The following RFWD3 variants were observed in gnomAD, a reference collection of about 807,000 sequenced individuals.
The protein encoded by RFWD3 is ring finger and WD repeat domain 3.
In RFWD3, 65 loss-of-function variants were observed where a neutral mutation model predicts 87.7. The observed-to-expected ratio is 0.74, with a 90% CI of 0.61 to 0.91. The LOEUF (loss-of-function observed/expected upper bound fraction) is 0.91. Ranked by LOEUF, RFWD3 falls within the 40% of genes least tolerant of loss-of-function variation. The pLI, the probability that RFWD3 is intolerant of heterozygous loss-of-function variation, is 0.00. For synonymous variants in RFWD3, 433 were observed against 352.8 expected (o/e 1.23, Z -2.55); for missense variants, 1,078 against 938.5 (o/e 1.15, Z -1.94).
At chr16:74,637,557 C>T (rs927782194) in intron 7 of RFWD3, among the ~76,000 whole-genome samples, 27 of 152,064 alleles carry the variant, frequency 1.8e-4, no homozygotes, top group African/African-American at 6.3e-4. Flanking sequence ...CGCTTGAACC[C>T]AGGAGACAGA....
At chr16:74,663,006 G>A (rs931365498) in intron 1 of RFWD3, among the ~76,000 whole-genome samples, 1 of 151,506 alleles carries the variant, frequency 6.6e-6, no homozygotes. Flanking sequence ...CCGGGTTCAC[G>A]CCATTCTCCT....
chr16:74,632,627 C>T lies in RFWD3; in HGVS notation c.1473G>A (p.Gln491=). 1.9e-6 allele frequency: 3 copies of T among 1,614,142 alleles called. No homozygotes were observed. The highest frequency in any genetic ancestry group is 2.7e-5 in the African/African-American group (2 of 75,046). ...MLSTANMKSS[Q]YIPMHGKQIR... ...TCTGTTTGCCATGCATCGGAATGTA[C>T]TGACTGCTCTTCATGTTGGCAGTAC... The change falls in exon 9 of 13, where the codon CAG becomes CAA. Residue 491 remains glutamine, a synonymous_variant. Transcript: ENST00000361070.
intron 6 of RFWD3, among the ~76,000 whole-genome samples, chr16:74,643,269 C>T (rs1480349728): frequency 6.6e-6 from 1 of 152,174 alleles, no homozygotes; most frequent in African/African-American, 2.4e-5. Flanking sequence ...GAGTGAGCCA[C>T]CGCACCAGCC....
chr16:74,636,566 T>A lies in RFWD3; in HGVS notation c.1206A>T (p.Lys402Asn), dbSNP rs1328699163. Residue 402 changes from lysine to asparagine, a missense_variant, in exon 8 of 13, where the codon AAA becomes AAT. Coordinates refer to ENST00000361070, the MANE Select transcript of RFWD3 (RefSeq NM_018124.4). ...RLQRRVQDLQ[K>N]LTSHQSQNLQ... ...AATTCTGACTTTGATGTGACGTAAG[T>A]TTTTGCAAGTCCTAAAATGAAAAAG... 6.2e-7 allele frequency: 1 copy of A among 1,612,166 alleles called. No homozygotes were observed. The highest frequency in any genetic ancestry group is 1.7e-5 in the Admixed American group (1 of 59,950).
intron 11 of RFWD3, among the ~76,000 whole-genome samples, chr16:74,627,523 T>C (rs1958972850): frequency 6.6e-6 from 1 of 152,176 alleles, no homozygotes; most frequent in Admixed American, 6.5e-5. Context: ...CTGATTCCGT[T>C]ATTTCCTGTG....
chr16:74,643,669 G>GCTTTTTTTTTTTTTTTTTT lies in RFWD3; in HGVS notation c.1079+692_1079+693insAAAAAAAAAAAAAAAAAAG, dbSNP rs56803461. Reference sequence around the variant, plus strand: ...ATACTGAGTGGTGTTACTAGCAACTGTTTTTTTTTTTTTTTTTTTTTTTTG... The same window carrying GCTTTTTTTTTTTTTTTTTT: ...ATACTGAGTGGTGTTACTAGCAACTGCTTTTTTTTTTTTTTTTTTTTTTTTTTTTTTTTTTTTTTTTTTG... On this transcript the variant is annotated intron_variant, in intron 6 of 12. Transcript: ENST00000361070. Among the ~76,000 whole-genome samples, 18 of 105,054 alleles carry GCTTTTTTTTTTTTTTTTTT rather than the reference G, an allele frequency of 1.7e-4. 9 individuals carry two copies. The highest frequency in any genetic ancestry group is 2.2e-4 in the Non-Finnish European group (12 of 53,500). 68.9% of individuals were successfully genotyped at this position (105,054 alleles called of 152,430 possible). A position where few individuals can be genotyped will look rare whatever the true frequency, so the allele number is the denominator to read the frequency against.
chr16:74,657,045 G>A (rs1052175099), intron 2 of RFWD3, among the ~76,000 whole-genome samples: 12 of 152,040 alleles, frequency 7.9e-5, no homozygotes, highest in Admixed American at 6.6e-5. Context: ...CAGGCCCCAG[G>A]GAAAATGATT....
rs1022180621 is a variant in RFWD3 at position 74,646,562 on chromosome 16, C to T, written c.793-1827G>A. Among the ~76,000 whole-genome samples, 12 of 151,970 alleles carry T rather than the reference C, an allele frequency of 7.9e-5. No homozygotes were observed. In the South Asian group the frequency reaches 1.0e-3, roughly 13 times the overall value. On this transcript the variant is annotated intron_variant, in intron 4 of 12. Transcript: ENST00000361070. The stretch of plus-strand genomic sequence containing the variant: ...TAGCACTTTGGGAGGCCAAGGCAGG[C>T]GGATCATGAAGTCAGGAGATCGAGA...
chr16:74,663,573 T>C (rs1189406199), intron 1 of RFWD3, among the ~76,000 whole-genome samples: 1 of 152,150 alleles, frequency 6.6e-6, no homozygotes, highest in Admixed American at 6.5e-5. Context: ...ACGAAGTACA[T>C]ATATGTATCT....
chr16:74,633,415 TA>T (rs1344079513), intron 8 of RFWD3, among the ~76,000 whole-genome samples: 2 of 149,612 alleles, frequency 1.3e-5, no homozygotes, highest in Admixed American at 1.3e-4. Flanking sequence ...ACCTACTGTA[TA>T]AACATGTGAT....
intron 3 of RFWD3, among the ~76,000 whole-genome samples, chr16:74,650,034 C>T (rs1411080603): frequency 1.3e-5 from 2 of 152,214 alleles, no homozygotes; most frequent in Non-Finnish European, 1.5e-5. Context: ...TTTGCATCTG[C>T]AGCCCTGGGC....
In RFWD3 at chr16:74,626,611, A is replaced by C. The variant is rs539405976; in HGVS notation, c.1970-57T>G. 8 of 1,435,008 alleles carry C rather than the reference A, an allele frequency of 5.6e-6. No individual in the cohort carries two copies. The African/African-American group carries it at 8.4e-5, about 15-fold the overall frequency. The allele number at this position is 1,435,008 out of a possible 1,614,324, so 88.9% of individuals were successfully genotyped here. Reference sequence around the variant, plus strand: ...GGGGACGCTACACAAAAAATTAACCAAGTACCCAAACCTCACACGCTTACA... The same window carrying C: ...GGGGACGCTACACAAAAAATTAACCCAGTACCCAAACCTCACACGCTTACA... On this transcript the variant is annotated intron_variant, in intron 11 of 12. Transcript: ENST00000361070.
In RFWD3 at chr16:74,628,479, G is replaced by A. The variant is rs755874703; in HGVS notation, c.1942C>T (p.Arg648Trp). ...GGCCTGTAGGTCACAAGACAGTGCC[G>A]GGAGCTGTTCTCTGTCTGAAAGTCT... The part of the protein sequence containing the change: ...CIDFQTENSS[R>W]HCLVTYRPDK... The change falls in exon 11 of 13, where the codon CGG (arginine) becomes TGG (tryptophan). Residue 648 changes from arginine to tryptophan, a missense_variant. By Grantham distance (101) the Arg-to-Trp change is moderately radical. Coordinates refer to ENST00000361070, the MANE Select transcript of RFWD3 (RefSeq NM_018124.4). The A allele has an allele frequency of 2.5e-6, 4 of 1,613,970 alleles. No individual in the cohort carries two copies. Among genetic ancestry groups the A allele is most frequent in the Non-Finnish European group, 3.4e-6 (4 of 1,180,030 alleles).
chr16:74,650,375 G>C (rs1477557395), intron 3 of RFWD3, among the ~76,000 whole-genome samples: 1 of 151,202 alleles, frequency 6.6e-6, no homozygotes. Context: ...TTTGGCAATG[G>C]GGGTGGGGGG....
intron 3 of RFWD3, 116 bp downstream of exon 3, chr16:74,651,804 C>T (rs1221191698): frequency 6.7e-6 from 6 of 897,626 alleles, no homozygotes; most frequent in South Asian, 4.8e-5. Flanking sequence ...CAGGAATCCA[C>T]AACATTTAGG....
At chr16:74,657,870 T>C (rs952470617) in intron 2 of RFWD3, among the ~76,000 whole-genome samples, 5 of 152,158 alleles carry the variant, frequency 3.3e-5, no homozygotes, top group Admixed American at 6.5e-5. Context: ...ACTAAACACA[T>C]AAGAAAAGCA....
intron 6 of RFWD3, chr16:74,643,967 A>G (rs367596958): frequency 1.5e-4 from 38 of 253,052 alleles, no homozygotes; most frequent in East Asian, 8.0e-4. Context: ...GTGAGCCACC[A>G]TGCCCGGCCC....
chr16:74,642,135 A>T (rs12935075), intron 6 of RFWD3, among the ~76,000 whole-genome samples: 107,658 of 151,316 alleles, frequency 0.71, 38,903 homozygotes, highest in African/African-American at 0.83. Context: ...GTACCTTTTT[A>T]AATTTGACAC....
In RFWD3 at chr16:74,622,627, A is replaced by G. The variant is rs555489257; in HGVS notation, c.*1301T>C. 6 of 152,344 alleles carry G rather than the reference A, an allele frequency of 3.9e-5. No individual in the cohort carries two copies. In the East Asian group the frequency reaches 1.2e-3, roughly 29 times the overall value. 9.4% of individuals were successfully genotyped at this position (152,344 alleles called of 1,614,324 possible). On this transcript the variant is annotated 3_prime_UTR_variant, in exon 13 of 13. Coordinates refer to ENST00000361070, the MANE Select transcript of RFWD3 (RefSeq NM_018124.4). ...ATTGACAGGTCAGAAGTGTTTTATA[A>G]TAAAAACGATAACAACTCTTCAATA...
Sources: gnomAD v4.1 joint callset for allele counts (sites outside exome capture counted in the v4.1 genomes callset) on GRCh38, gnomAD v4.1.1 for gene constraint, MANE v1.5 for transcripts, NCBI Gene and HGNC (gene_info 2026-07-23, HGNC 2026-07-21) for gene names.